NLRC5: variants seen among roughly 807,000 people sequenced by gnomAD.
The protein encoded by NLRC5 is NLR family CARD domain containing 5, also known as protein NLRC5.
A neutral mutation model predicts 206.9 loss-of-function variants in NLRC5; 114 were observed. That is an observed-to-expected ratio of 0.55 (90% CI 0.47 to 0.64). The LOEUF (loss-of-function observed/expected upper bound fraction) is 0.64. Ranked by LOEUF, NLRC5 falls within the 30% of genes least tolerant of loss-of-function variation. NLRC5 has a pLI of 0.00. For synonymous variants in NLRC5, 952 were observed against 962.8 expected, an observed-to-expected ratio of 0.99 and a Z score of 0.21; for missense variants, 2,008 against 2,305.5, an observed-to-expected ratio of 0.87 and a Z score of 2.64.
chr16:57,042,851 T>G (rs1051518385), intron 19 of NLRC5, among the ~76,000 whole-genome samples: 1 of 152,306 alleles, frequency 6.6e-6, no homozygotes, highest in African/African-American at 2.4e-5. Flanking sequence ...CACACCCTGT[T>G]TTTGTGCAAT....
In NLRC5 at chr16:57,056,159, C is replaced by T. The variant is rs150472084; in HGVS notation, c.3746+640C>T. Among the ~76,000 whole-genome samples the T allele has an allele frequency of 4.2e-3, 645 of 152,276 alleles. 7 individuals carry two copies. The highest frequency in any genetic ancestry group is 0.015 in the African/African-American group (619 of 41,538). ...CACACAGCTAGTAAAATGCAGAGTCCCTGCTCAGACGCATTGGGAATCCAG... is the reference window on the plus strand; with the variant it reads ...CACACAGCTAGTAAAATGCAGAGTCTCTGCTCAGACGCATTGGGAATCCAG... On this transcript the variant is annotated intron_variant, in intron 27 of 48. Coordinates refer to ENST00000688547, the MANE Select transcript of NLRC5 (RefSeq NM_001384950.1).
intron 24 of NLRC5, 121 bp from the exon 25 acceptor site, chr16:57,054,630 G>C: frequency 2.6e-6 from 2 of 784,090 alleles, no homozygotes. Flanking sequence ...TTGATCCCCT[G>C]CCTGCTTCCC....
intron 32 of NLRC5, 27 bp from the exon 33 acceptor site, chr16:57,065,185 C>G (rs1288948817): frequency 1.4e-6 from 2 of 1,456,620 alleles, no homozygotes; most frequent in African/African-American, 1.4e-5. Context: ...CTTGGGGGGG[C>G]CTTATCTGTG....
At chr16:57,045,347 C>A in intron 20 of NLRC5, 101 bp from the exon 21 acceptor site, 1 of 1,087,438 alleles carries the variant, frequency 9.2e-7, no homozygotes. Context: ...GAAAGCAGGC[C>A]ACCCCAGGCC....
intron 33 of NLRC5, among the ~76,000 whole-genome samples, chr16:57,065,566 A>G (rs1480813534): frequency 6.6e-6 from 1 of 152,208 alleles, no homozygotes; most frequent in African/African-American, 2.4e-5. Flanking sequence ...CTGGGAGTCC[A>G]CGCTGGTTGC....
chr16:57,009,817 T>A (rs564039189), intron 1 of NLRC5, among the ~76,000 whole-genome samples: 1 of 152,312 alleles, frequency 6.6e-6, no homozygotes, highest in South Asian at 2.1e-4. Flanking sequence ...AAGTTGGCTT[T>A]CATTCTGGGT....
At position 57,060,024 on chromosome 16, in the gene NLRC5, G is replaced by GTTATTA. The variant is rs3995823; in HGVS notation, c.3986+521_3986+526dup. Among the ~76,000 whole-genome samples, 1,337 of 144,868 alleles carry GTTATTA rather than the reference G, an allele frequency of 9.2e-3. 14 individuals are homozygous for GTTATTA. The highest frequency in any genetic ancestry group is 0.028 in the African/African-American group (1,102 of 39,492). ...AGTGCTGTCAGCAGTTATTGTAACT[G>GTTATTA]TTATTATTATTATTATTATTATTAT... On this transcript the variant is annotated intron_variant, in intron 30 of 48. Transcript: ENST00000688547.
intron 1 of NLRC5, among the ~76,000 whole-genome samples, chr16:56,997,952 C>T (rs574290809): frequency 7.9e-5 from 12 of 152,242 alleles, no homozygotes; most frequent in African/African-American, 2.9e-4. Flanking sequence ...TCCTGCTTGA[C>T]ATATACACAA....
rs772769259 is a variant in NLRC5, at chr16:57,061,701, G to A, written c.4154G>A (p.Arg1385Lys). 6.2e-6 allele frequency: 10 copies of A among 1,602,720 alleles called. No homozygotes were observed. The highest frequency in any genetic ancestry group is 1.3e-5 in the African/African-American group (1 of 74,850). Reference protein sequence around the residue: ...VGRPAGLFSLRVQEPWADRAR... With the variant: ...VGRPAGLFSLKVQEPWADRAR... Reference sequence around the variant, plus strand: ...CGACCCGCAGGGCTGTTCAGCCTCAGGTACCTCCTCCCCCGCTGCCTCCGG... The same window carrying A: ...CGACCCGCAGGGCTGTTCAGCCTCAAGTACCTCCTCCCCCGCTGCCTCCGG... Residue 1385 changes from arginine to lysine, a missense_variant and splice_region_variant, in exon 32 of 49, where the codon AGG (arginine) becomes AAG (lysine). Arg to Lys is a conservative substitution (Grantham distance 26). Coordinates refer to ENST00000688547, the MANE Select transcript of NLRC5 (RefSeq NM_001384950.1).
chr16:57,015,282 G>A (rs1366293622), intron 1 of NLRC5, among the ~76,000 whole-genome samples: 1 of 152,132 alleles, frequency 6.6e-6, no homozygotes, highest in East Asian at 1.9e-4. Flanking sequence ...CCACCCTCTT[G>A]ACCTAATCAC....
chr16:57,016,435 T>G (rs1173121016), intron 1 of NLRC5, among the ~76,000 whole-genome samples: 1 of 152,228 alleles, frequency 6.6e-6, no homozygotes, highest in Non-Finnish European at 1.5e-5. Flanking sequence ...GAGCACACGC[T>G]GATCTTCCGC....
intron 35 of NLRC5, 112 bp from the exon 36 acceptor site, chr16:57,067,624 A>C: frequency 7.4e-7 from 1 of 1,344,820 alleles, no homozygotes; most frequent in Non-Finnish European, 1.1e-6. Flanking sequence ...AGGGTGGCTC[A>C]GGGGAGCTCT....
In NLRC5 at chr16:57,028,403, G is replaced by A; in HGVS notation, c.2243+18G>A. On this transcript the variant is annotated intron_variant, in intron 8 of 48. Coordinates refer to ENST00000688547, the MANE Select transcript of NLRC5 (RefSeq NM_001384950.1). ...GAAGTCAGGTGAGTGATCTCCAGGA[G>A]GGCTCACTGACTGGGGAGATGAGCC... 3 of 1,599,852 alleles carry A rather than the reference G, an allele frequency of 1.9e-6. No homozygotes were observed. The East Asian group carries it at 6.7e-5, about 36-fold the overall frequency.
At chr16:57,063,390 A>G (rs1272171416) in intron 32 of NLRC5, among the ~76,000 whole-genome samples, 3 of 152,070 alleles carry the variant, frequency 2.0e-5, no homozygotes, top group Non-Finnish European at 4.4e-5. Flanking sequence ...TGCTGGGATT[A>G]CAGGCATGAG....
In NLRC5 at chr16:57,036,189, T is replaced by C. The variant is rs2062545762; in HGVS notation, c.2711+6T>C. On this transcript the variant is annotated splice_donor_region_variant and intron_variant, in intron 14 of 48. Coordinates refer to ENST00000688547, the MANE Select transcript of NLRC5 (RefSeq NM_001384950.1). The stretch of plus-strand genomic sequence containing the variant: ...CACATCGCCAGGAAGCTGGAGTGAG[T>C]TGTCCACCCCACCGCTGGGTACCAG... 6 of 1,612,196 alleles carry C rather than the reference T, an allele frequency of 3.7e-6. No homozygotes were observed. The highest frequency in any genetic ancestry group is 3.4e-6 in the Non-Finnish European group (4 of 1,179,608).
chr16:57,006,907 A>ATTATTATTATTG (rs1369566408), intron 1 of NLRC5, among the ~76,000 whole-genome samples: 1 of 148,620 alleles, frequency 6.7e-6, no homozygotes, highest in Non-Finnish European at 1.5e-5. Flanking sequence ...TATTATTATT[A>ATTATTATTATTG]TTATTATTAT....
intron 12 of NLRC5, 104 bp from the exon 13 acceptor site, chr16:57,034,063 AC>A (rs2062203201): frequency 2.3e-6 from 2 of 861,624 alleles, no homozygotes; most frequent in East Asian, 5.3e-5. Flanking sequence ...CTAGGATTAG[AC>A]CCAGGTCTGT....
At chr16:57,014,755 G>A (rs1182847577) in intron 1 of NLRC5, among the ~76,000 whole-genome samples, 1 of 152,118 alleles carries the variant, frequency 6.6e-6, no homozygotes, top group Non-Finnish European at 1.5e-5. Flanking sequence ...TTAAACAACA[G>A]AAACTTGTTT....
chr16:56,997,009 A>C (rs2057693928), intron 1 of NLRC5, among the ~76,000 whole-genome samples: 1 of 152,124 alleles, frequency 6.6e-6, no homozygotes, highest in South Asian at 2.1e-4. Context: ...AGCTGGGACT[A>C]TAGGTGCACA....
Sources: gnomAD v4.1 joint callset for allele counts (sites outside exome capture counted in the v4.1 genomes callset) on GRCh38, gnomAD v4.1.1 for gene constraint, MANE v1.5 for transcripts, NCBI Gene and HGNC (gene_info 2026-07-23, HGNC 2026-07-21) for gene names.